GNAL: variants seen among roughly 807,000 people sequenced by gnomAD.
GNAL encodes G protein subunit alpha L.
Under a neutral mutation model 55.1 loss-of-function variants are expected in GNAL, and 18 were observed. That is an observed-to-expected ratio of 0.33 (90% CI 0.23 to 0.48). The LOEUF (loss-of-function observed/expected upper bound fraction) is 0.48, where lower values mean the gene tolerates loss of function less well. Among genes scored for constraint, GNAL ranks in the 20% least tolerant of loss-of-function variants. The pLI, the probability that GNAL is intolerant of heterozygous loss-of-function variation, is 0.99. For synonymous variants in GNAL, 253 were observed against 237.0 expected (o/e 1.07, Z -0.62); for missense variants, 412 against 614.1 (o/e 0.67, Z 3.48).
rs528409410 is a variant in GNAL, at chr18:11,777,246, C to T, written c.624+23301C>T. Among the ~76,000 whole-genome samples, 7 of 152,260 alleles carry T rather than the reference C, an allele frequency of 4.6e-5. No individual in the cohort carries two copies. In the East Asian group the frequency reaches 1.4e-3, roughly 29 times the overall value. On this transcript the variant is annotated intron_variant, in intron 4 of 11. Transcript: ENST00000334049. The stretch of plus-strand genomic sequence containing the variant: ...TTCCAGGACCGGTATCATTACTGCT[C>T]ATGTGTCAGACGACACTGAATTTGG...
At chr18:11,880,052 T>C (rs982405042) in intron 11 of GNAL, among the ~76,000 whole-genome samples, 1 of 146,056 alleles carries the variant, frequency 6.8e-6, no homozygotes, top group Non-Finnish European at 1.5e-5. Flanking sequence ...AGGTCAGGAG[T>C]TCAAGACCAG....
intron 1 of GNAL, among the ~76,000 whole-genome samples, chr18:11,703,828 CACACACA>C (rs2031642022): frequency 6.7e-6 from 1 of 150,114 alleles, no homozygotes. Flanking sequence ...CACACACACA[CACACACA>C]GTGAAGTGCA....
intron 4 of GNAL, among the ~76,000 whole-genome samples, chr18:11,789,068 C>T (rs937707525): frequency 9.9e-5 from 15 of 151,708 alleles, no homozygotes; most frequent in African/African-American, 3.4e-4. Flanking sequence ...TCAGCACCTG[C>T]TCCCACCTCT....
chr18:11,710,998 C>A (rs1269031639), intron 1 of GNAL, among the ~76,000 whole-genome samples: 1 of 152,162 alleles, frequency 6.6e-6, no homozygotes, highest in Non-Finnish European at 1.5e-5. Flanking sequence ...GCCTCAGCCT[C>A]CCGAGTAGCT....
intron 4 of GNAL, among the ~76,000 whole-genome samples, chr18:11,755,550 C>G (rs1227453944): frequency 6.6e-6 from 1 of 152,202 alleles, no homozygotes; most frequent in Non-Finnish European, 1.5e-5. Context: ...GCTGGGATTA[C>G]AGGCATGAGC....
intron 4 of GNAL, among the ~76,000 whole-genome samples, chr18:11,810,151 G>T (rs530498343): frequency 6.6e-6 from 1 of 152,378 alleles, no homozygotes; most frequent in East Asian, 1.9e-4. Context: ...AGCACTTTGG[G>T]AGGCCGAGAC....
At chr18:11,796,068 A>G (rs1214627581) in intron 4 of GNAL, among the ~76,000 whole-genome samples, 1 of 152,218 alleles carries the variant, frequency 6.6e-6, no homozygotes, top group Non-Finnish European at 1.5e-5. Context: ...ATGCTATGGC[A>G]CTGGAGGAAA....
At chr18:11,703,801 A>ATG (rs1315951085) in intron 1 of GNAL, among the ~76,000 whole-genome samples, 7 of 140,314 alleles carry the variant, frequency 5.0e-5, no homozygotes, top group African/African-American at 1.9e-4. Flanking sequence ...ATGGGCACAC[A>ATG]CACACACACA....
At chr18:11,759,001 C>T (rs1292410044) in intron 4 of GNAL, among the ~76,000 whole-genome samples, 1 of 151,870 alleles carries the variant, frequency 6.6e-6, no homozygotes, top group Non-Finnish European at 1.5e-5. Context: ...GGTGAAACCC[C>T]GTCTCTACTA....
In GNAL at chr18:11,881,392, G is replaced by A. The variant is rs542541639; in HGVS notation, c.*257G>A. ...GCCGACACTGCAGCAGAATCTCTCC[G>A]GGTGGGAGCCCCATTATTCATTCTC... On this transcript the variant is annotated 3_prime_UTR_variant, in exon 12 of 12. Transcript: ENST00000334049. This position sits in a 1 kb window ranked among gnomAD's most constrained non-coding sequence, Gnocchi z 4.8. The A allele has an allele frequency of 7.5e-5, 31 of 413,996 alleles. No homozygotes were observed. Among genetic ancestry groups the A allele is most frequent in the African/African-American group, 3.6e-4 (18 of 50,346 alleles). 25.6% of individuals were successfully genotyped at this position (413,996 alleles called of 1,614,324 possible).
At position 11,752,816 on chromosome 18, in the gene GNAL, G is replaced by C. The variant is rs2032901603; in HGVS notation, c.377-37G>C. The C allele has an allele frequency of 6.9e-7, 1 of 1,451,662 alleles. No individual in the cohort carries two copies. The highest frequency in any genetic ancestry group is 1.1e-5 in the South Asian group (1 of 87,746). The allele number at this position is 1,451,662 out of a possible 1,614,324, so 89.9% of individuals were successfully genotyped here. A position where few individuals can be genotyped will look rare whatever the true frequency, so the allele number is the denominator to read the frequency against. On this transcript the variant is annotated intron_variant, in intron 1 of 11. Coordinates refer to ENST00000334049, the MANE Select transcript of GNAL (RefSeq NM_182978.4). This position sits in a 1 kb window ranked among gnomAD's most constrained non-coding sequence, Gnocchi z 4.5. The stretch of plus-strand genomic sequence containing the variant: ...GTGGTGAGAGATGGCAGCGATATCC[G>C]GACACAGATCACAGCGTTCTTTCTG...
Position 11,717,705 on chromosome 18 carries a change from T to C in GNAL, c.376+27766T>C, listed in dbSNP as rs142262378. Among the ~76,000 whole-genome samples, 776 of 152,214 alleles carry C rather than the reference T, an allele frequency of 5.1e-3. 6 individuals carry two copies. Among genetic ancestry groups the C allele is most frequent in the African/African-American group, 0.018 (739 of 41,534 alleles). On this transcript the variant is annotated intron_variant, in intron 1 of 11. Coordinates refer to ENST00000334049, the MANE Select transcript of GNAL (RefSeq NM_182978.4). ...ACTAACGTAGGAACAGAAAACCAAA[T>C]ACTGCATGTTCTCACTTATAAGTGG... is the stretch of plus-strand genomic sequence containing the variant.
chr18:11,877,921 AG>A (rs1158315796), intron 11 of GNAL, among the ~76,000 whole-genome samples: 1 of 8,358 alleles, frequency 1.2e-4, no homozygotes, highest in Non-Finnish European at 3.0e-4. Context: ...GAGCTTCTGC[AG>A]CTGAATAAAT....
chr18:11,776,587 A>G (rs1442400603), intron 4 of GNAL, among the ~76,000 whole-genome samples: 1 of 151,578 alleles, frequency 6.6e-6, no homozygotes, highest in African/African-American at 2.4e-5. Flanking sequence ...GCACACCTGG[A>G]GTCCCAGCTA....
intron 4 of GNAL, among the ~76,000 whole-genome samples, chr18:11,764,042 C>G (rs1002187777): frequency 6.6e-6 from 1 of 152,278 alleles, no homozygotes; most frequent in African/African-American, 2.4e-5. Context: ...GCCCTTTTTC[C>G]CTTGGTAATT....
intron 1 of GNAL, chr18:11,746,176 C>T (rs1311810994): frequency 3.7e-5 from 20 of 546,710 alleles, no homozygotes; most frequent in Non-Finnish European, 1.8e-5. Context: ...GGCAAAGTTG[C>T]ATCTGTGGAA....
intron 1 of GNAL, among the ~76,000 whole-genome samples, chr18:11,723,130 G>A (rs2032136524): frequency 6.6e-6 from 1 of 152,132 alleles, no homozygotes; most frequent in South Asian, 2.1e-4. Flanking sequence ...GTTGCAGTGA[G>A]CCAAGATCGT....
chr18:11,883,608 A>T lies in GNAL; in HGVS notation c.*2473A>T, dbSNP rs1204266018. 6.5e-6 allele frequency: 1 copy of T among 153,516 alleles called. No individual in the cohort carries two copies. Among genetic ancestry groups the T allele is most frequent in the Non-Finnish European group, 1.5e-5 (1 of 68,046 alleles). 9.5% of individuals were successfully genotyped at this position (153,516 alleles called of 1,614,324 possible). A position where few individuals can be genotyped will look rare whatever the true frequency, so the allele number is the denominator to read the frequency against. ...CGTGGTCTCCTATAGAGAAAATTAC[A>T]CTTATCTAAAAATCTGATTCCATTA... On this transcript the variant is annotated 3_prime_UTR_variant, in exon 12 of 12. Coordinates refer to ENST00000334049, the MANE Select transcript of GNAL (RefSeq NM_182978.4).
At chr18:11,753,586 C>T in intron 2 of GNAL, 42 bp from the exon 3 acceptor site, 1 of 1,213,618 alleles carries the variant, frequency 8.2e-7, no homozygotes, top group Non-Finnish European at 1.2e-6. Flanking sequence ...GGAATCAGTG[C>T]TAAGAGTAAA....
Sources: allele counts gnomAD v4.1 joint callset (sites outside exome capture counted in the v4.1 genomes callset), GRCh38; gene constraint gnomAD v4.1.1; non-coding constraint Gnocchi (gnomAD v3.1); transcripts MANE v1.5; gene names NCBI Gene and HGNC (gene_info 2026-07-23, HGNC 2026-07-21).